DIAPH1: variants seen among roughly 807,000 people sequenced by gnomAD.
DIAPH1 encodes the protein diaphanous related formin 1.
In DIAPH1, 46 loss-of-function variants were observed where a neutral mutation model predicts 140.7. The ratio of observed to expected loss-of-function variants is 0.33; its 90% CI spans 0.26 to 0.42. The LOEUF is 0.42. DIAPH1 is among the 10% of genes least tolerant of loss of function. The pLI is 1.00. For missense variants in DIAPH1, 1,310 were observed against 1,558.7 expected (o/e 0.84, Z 2.69); for synonymous variants, 565 against 551.6 (o/e 1.02, Z -0.34).
intron 18 of DIAPH1, among the ~76,000 whole-genome samples, chr5:141,540,580 T>C (rs1380404546): frequency 6.6e-6 from 1 of 151,446 alleles, no homozygotes; most frequent in African/African-American, 2.4e-5. Context: ...ACACCCAGCC[T>C]AAGTTTTGTA....
At chr5:141,580,944 AG>A in intron 7 of DIAPH1, 61 bp from the exon 8 acceptor site, 1 of 1,609,188 alleles carries the variant, frequency 6.2e-7, no homozygotes, top group African/African-American at 1.3e-5. Context: ...CTGGGGGACA[AG>A]TTTACGGGTT....
At chr5:141,561,374 T>A (rs567852746) in intron 18 of DIAPH1, among the ~76,000 whole-genome samples, 1 of 152,120 alleles carries the variant, frequency 6.6e-6, no homozygotes, top group East Asian at 1.9e-4. Flanking sequence ...GTTTTTTTTT[T>A]TTTTACATTG....
intron 18 of DIAPH1, chr5:141,563,959 G>A (rs1366082388): frequency 1.3e-5 from 2 of 152,136 alleles, no homozygotes; most frequent in African/African-American, 2.4e-5. Flanking sequence ...TCTATTATGC[G>A]CTTAAAGTAG....
intron 1 of DIAPH1, among the ~76,000 whole-genome samples, chr5:141,610,747 G>A (rs559691914): frequency 1.3e-5 from 2 of 151,858 alleles, no homozygotes; most frequent in South Asian, 2.1e-4. Context: ...ACCGTACCCC[G>A]CCTAGCGAGA....
chr5:141,563,946 G>A (rs1432937295), intron 18 of DIAPH1: 2 of 152,186 alleles, frequency 1.3e-5, no homozygotes, highest in Non-Finnish European at 2.9e-5. Context: ...AATGTGGGTA[G>A]GTTCTATTAT....
At chr5:141,579,755 C>G (rs1045161954) in intron 8 of DIAPH1, among the ~76,000 whole-genome samples, 2 of 152,032 alleles carry the variant, frequency 1.3e-5, no homozygotes, top group African/African-American at 2.4e-5. Context: ...CGAGACCAGC[C>G]TGGCCAATAG....
chr5:141,522,364 A>G (rs184088166), intron 27 of DIAPH1, among the ~76,000 whole-genome samples: 124 of 152,244 alleles, frequency 8.1e-4, no homozygotes, highest in African/African-American at 2.7e-3. Context: ...CTGGAAGGTT[A>G]GTTTCCAACA....
At chr5:141,550,326 C>T (rs910735392) in intron 18 of DIAPH1, among the ~76,000 whole-genome samples, 15 of 152,152 alleles carry the variant, frequency 9.9e-5, no homozygotes, top group African/African-American at 3.6e-4. Flanking sequence ...AACTGAGGAA[C>T]TATAACAAAG....
chr5:141,542,150 T>G (rs897451299), intron 18 of DIAPH1, among the ~76,000 whole-genome samples: 10 of 152,158 alleles, frequency 6.6e-5, no homozygotes, highest in Non-Finnish European at 1.5e-4. Flanking sequence ...AGTCTAACTG[T>G]CCACCAGGCG....
Position 141,565,176 on chromosome 5 carries a change from T to A in DIAPH1, c.2482+6252A>T, listed in dbSNP as rs1269403451. 2.0e-5 allele frequency: 3 copies of A among 152,218 alleles called. No individual in the cohort carries two copies. The highest frequency in any genetic ancestry group is 7.2e-5 in the African/African-American group (3 of 41,456). The allele number at this position is 152,218 out of a possible 1,614,324, so 9.4% of individuals were successfully genotyped here. A position where few individuals can be genotyped will look rare whatever the true frequency, so the allele number is the denominator to read the frequency against. ...AAATCTATATGTAAGGACATCGAGA[T>A]GCTAAAACACGTTAAGCAAAATACA... On this transcript the variant is annotated intron_variant, in intron 18 of 27. Coordinates refer to ENST00000389054, the MANE Select transcript of DIAPH1 (RefSeq NM_005219.5). This position sits in a 1 kb window ranked among gnomAD's most constrained non-coding sequence, Gnocchi z 4.3.
intron 7 of DIAPH1, 151 bp downstream of exon 7, chr5:141,582,161 G>A: frequency 1.8e-6 from 1 of 570,940 alleles, no homozygotes; most frequent in South Asian, 1.7e-5. Flanking sequence ...ACAGAAGCAT[G>A]TATATGTGGC....
rs184301944 is a variant in DIAPH1, at chr5:141,611,868, A to G, written c.117+6930T>C. Among the ~76,000 whole-genome samples the G allele has an allele frequency of 3.8e-3, 581 of 152,276 alleles. 4 individuals are homozygous for G. Among genetic ancestry groups the G allele is most frequent in the Admixed American group, 0.011 (167 of 15,292 alleles). Reference sequence around the variant, plus strand: ...GATCACCTGAAGTTAGGAGTTCAAGACCAGCTTGGCCAACATGATGAAACC... The same window carrying G: ...GATCACCTGAAGTTAGGAGTTCAAGGCCAGCTTGGCCAACATGATGAAACC... On this transcript the variant is annotated intron_variant, in intron 1 of 27. Transcript: ENST00000389054.
chr5:141,611,961 G>A lies in DIAPH1; in HGVS notation c.117+6837C>T, dbSNP rs1234502336. On this transcript the variant is annotated intron_variant, in intron 1 of 27. Coordinates refer to ENST00000389054, the MANE Select transcript of DIAPH1 (RefSeq NM_005219.5). Reference sequence around the variant, plus strand: ...AGCCTCCTGTAATCCCAGCTACTCAGGTGGCTGAGGCAGGAGAATCCCTTG... The same window carrying A: ...AGCCTCCTGTAATCCCAGCTACTCAAGTGGCTGAGGCAGGAGAATCCCTTG... Among the ~76,000 whole-genome samples, 4 of 152,164 alleles carry A rather than the reference G, an allele frequency of 2.6e-5. No individual in the cohort carries two copies. In the East Asian group the frequency reaches 5.8e-4, roughly 22 times the overall value.
In DIAPH1 at chr5:141,553,216, C is replaced by G. The variant is rs558946935; in HGVS notation, c.2482+18212G>C. On this transcript the variant is annotated intron_variant, in intron 18 of 27. Coordinates refer to ENST00000389054, the MANE Select transcript of DIAPH1 (RefSeq NM_005219.5). ...CTGAGGCAGAAGAATTGCTTGAACCCAGGAGGTGGAGGTTGCAGTGAGCCA... is the reference window on the plus strand; with the variant it reads ...CTGAGGCAGAAGAATTGCTTGAACCGAGGAGGTGGAGGTTGCAGTGAGCCA... 5.3e-5 allele frequency among the ~76,000 whole-genome samples: 8 copies of G among 152,202 alleles called. No homozygotes were observed. The East Asian group carries it at 1.5e-3, about 29-fold the overall frequency.
Position 141,571,961 on chromosome 5 carries a change from G to A in DIAPH1, c.2438C>T (p.Ala813Val). The A allele has an allele frequency of 1.9e-6, 3 of 1,614,140 alleles. No homozygotes were observed. In the East Asian group the frequency reaches 6.7e-5, roughly 36 times the overall value. The change falls in exon 17 of 28, where the codon GCC becomes GTC. Residue 813 changes from alanine (A) to valine (V), a missense_variant. Around this residue, in one of 3 missense-constraint regions of DIAPH1, gnomAD observed 589 missense variants for 549.3 expected, o/e 1.07. Transcript: ENST00000389054. ...EDRFENNELF[A>V]KLTLTFSAQT... ...GGCAGAGAAGGTAAGGGTAAGTTTG[G>A]CGAAAAGTTCATTGTTCTCAAAGCG...
rs185521013 is a variant in DIAPH1, at chr5:141,607,397, A to T, written c.117+11401T>A. On this transcript the variant is annotated intron_variant, in intron 1 of 27. Transcript: ENST00000389054. ...AAAGATCGATGTATTAAAATTGGTA[A>T]GGACTGAAAATCAAATAAACTTAAC... Among the ~76,000 whole-genome samples, 561 of 152,362 alleles carry T rather than the reference A, an allele frequency of 3.7e-3. 2 individuals carry two copies. Among genetic ancestry groups the T allele is most frequent in the African/African-American group, 0.012 (501 of 41,584 alleles).
intron 25 of DIAPH1, 36 bp from the exon 26 acceptor site, chr5:141,526,209 A>G (rs373713667): frequency 2.4e-5 from 38 of 1,614,108 alleles, no homozygotes; most frequent in Non-Finnish European, 3.2e-5. Context: ...ACACATGGGC[A>G]TTGTATACCT....
intron 18 of DIAPH1, among the ~76,000 whole-genome samples, chr5:141,559,129 ACT>A (rs1023228026): frequency 5.9e-5 from 9 of 152,012 alleles, no homozygotes; most frequent in African/African-American, 1.9e-4. Flanking sequence ...CACTACATCA[ACT>A]CTCTAATTCT....
intron 23 of DIAPH1, 78 bp downstream of exon 23, chr5:141,528,375 T>A (rs892286982): frequency 1.8e-5 from 29 of 1,598,950 alleles, no homozygotes; most frequent in Non-Finnish European, 2.3e-5. Context: ...CTGAAAATGC[T>A]CTCACATCTA....
Sources: allele counts gnomAD v4.1 joint callset (sites outside exome capture counted in the v4.1 genomes callset), GRCh38; gene constraint gnomAD v4.1.1; regional missense constraint gnomAD v4.1.1; non-coding constraint Gnocchi (gnomAD v3.1); transcripts MANE v1.5; gene names NCBI Gene and HGNC (gene_info 2026-07-23, HGNC 2026-07-21).